The following RANBP2 variants were observed in gnomAD, a reference collection of about 807,000 sequenced individuals.
RANBP2 encodes E3 SUMO-protein ligase RanBP2.
RANBP2 carries 57 observed loss-of-function variants against 303.6 expected under a neutral mutation model. The ratio of observed to expected loss-of-function variants is 0.19; its 90% CI spans 0.15 to 0.23. RANBP2 has a LOEUF of 0.23. Ranked by LOEUF, RANBP2 falls within the 10% of genes least tolerant of loss-of-function variation. RANBP2 has a pLI of 1.00. For synonymous variants in RANBP2, 1,167 were observed against 1,301.5 expected, an observed-to-expected ratio of 0.90 and a Z score of 2.23; for missense variants, 3,138 against 3,780.8, an observed-to-expected ratio of 0.83 and a Z score of 4.46.
chr2:108,804,876 T>C, the RANBP2 span: 635 of 1,497,330 alleles, frequency 4.2e-4, 10 homozygotes, highest in South Asian at 8.2e-3. Flanking sequence ...GAGTTTTTTT[T>C]TTCTCCTCCT....
At chr2:108,813,484 T>C in the RANBP2 span, among the ~76,000 whole-genome samples, 3,538 of 152,284 alleles carry the variant, frequency 0.023, 141 homozygotes, top group African/African-American at 0.081. Flanking sequence ...GTACGTATCA[T>C]TGACACATCA....
the RANBP2 span, among the ~76,000 whole-genome samples, chr2:109,417,261 C>T: frequency 7.6e-3 from 1,164 of 152,252 alleles, 113 homozygotes; most frequent in East Asian, 0.2. Context: ...TCTCTGCCCT[C>T]GTACTTGCCC....
the RANBP2 span, among the ~76,000 whole-genome samples, chr2:109,594,245 A>T: frequency 6.7e-6 from 1 of 148,688 alleles, no homozygotes; most frequent in Non-Finnish European, 1.5e-5. Flanking sequence ...CACATTATTT[A>T]AAAAACAATA....
the RANBP2 span, among the ~76,000 whole-genome samples, chr2:109,548,189 A>C: frequency 4.6e-5 from 7 of 152,202 alleles, no homozygotes; most frequent in Admixed American, 2.6e-4. Context: ...AAAAAAAAAA[A>C]AACTAGGGTC....
At chr2:109,369,275 G>C in the RANBP2 span, among the ~76,000 whole-genome samples, 1 of 152,164 alleles carries the variant, frequency 6.6e-6, no homozygotes, top group African/African-American at 2.4e-5. Flanking sequence ...CTTGAACCCA[G>C]GAGGTGGAGG....
the RANBP2 span, among the ~76,000 whole-genome samples, chr2:109,097,322 AAAC>A: frequency 6.1e-5 from 1 of 16,402 alleles, no homozygotes; most frequent in Admixed American, 6.0e-4. Flanking sequence ...ACAAAAAACA[AAAC>A]AAAACAAAAC....
At chr2:109,510,546 G>A in the RANBP2 span, among the ~76,000 whole-genome samples, 60 of 152,330 alleles carry the variant, frequency 3.9e-4, no homozygotes, top group African/African-American at 1.4e-3. Flanking sequence ...CTACCAGACT[G>A]AAGGAACCCC....
chr2:109,605,448 C>A, the RANBP2 span: 3 of 151,650 alleles, frequency 2.0e-5, no homozygotes, highest in South Asian at 2.1e-4. Context: ...CTACTCTGAG[C>A]GACAAGAGTG....
chr2:108,732,599 T>C (rs1480116350), intron 4 of RANBP2, among the ~76,000 whole-genome samples: 1 of 152,222 alleles, frequency 6.6e-6, no homozygotes, highest in African/African-American at 2.4e-5. Context: ...ATGTATAGTT[T>C]TCTTTCATTT....
At chr2:109,565,725 A>G in the RANBP2 span, 1 of 1,512,404 alleles carries the variant, frequency 6.6e-7, no homozygotes, top group Non-Finnish European at 9.2e-7. Flanking sequence ...AGATTACTAG[A>G]TAGATACATA....
chr2:109,053,726 C>A, the RANBP2 span, among the ~76,000 whole-genome samples: 6 of 152,236 alleles, frequency 3.9e-5, no homozygotes, highest in East Asian at 1.9e-4. Flanking sequence ...GCTCAGCGAA[C>A]CTGCTTCCTA....
intron 17 of RANBP2, among the ~76,000 whole-genome samples, chr2:108,756,337 A>T (rs1330004343): frequency 1.3e-5 from 2 of 152,228 alleles, no homozygotes; most frequent in African/African-American, 2.4e-5. Context: ...ATAGTTATGT[A>T]TATATATCTT....
intron 1 of RANBP2, among the ~76,000 whole-genome samples, chr2:108,725,845 C>T (rs1694659510): frequency 1.3e-5 from 2 of 151,604 alleles, no homozygotes; most frequent in Admixed American, 1.3e-4. Context: ...CGGAGGCTTG[C>T]TCTGTCGCCA....
rs1304706631 is a variant in RANBP2 at position 108,743,758 on chromosome 2, C to T, written c.976-2953C>T. On this transcript the variant is annotated intron_variant, in intron 7 of 28. Coordinates refer to ENST00000283195, the MANE Select transcript of RANBP2 (RefSeq NM_006267.5). ...AATATTGTGCCTCAATGTGGGTGTG[C>T]TTTACCTATTGCCAGATGCCTTGCT... Among the ~76,000 whole-genome samples the T allele has an allele frequency of 3.3e-5, 5 of 152,284 alleles. No individual in the cohort carries two copies. In the South Asian group the frequency reaches 6.2e-4, roughly 19 times the overall value.
the RANBP2 span, among the ~76,000 whole-genome samples, chr2:109,536,058 G>A: frequency 1.5e-5 from 2 of 130,452 alleles, no homozygotes; most frequent in Non-Finnish European, 3.3e-5. Flanking sequence ...GGGGTGGGGG[G>A]GGGGTCTCTC....
the RANBP2 span, among the ~76,000 whole-genome samples, chr2:109,627,355 C>T: frequency 6.6e-6 from 1 of 152,084 alleles, no homozygotes; most frequent in Non-Finnish European, 1.5e-5. Context: ...TGCCACTGCA[C>T]CTGGCTGATT....
chr2:109,259,588 T>C, the RANBP2 span, among the ~76,000 whole-genome samples: 7 of 152,208 alleles, frequency 4.6e-5, no homozygotes, highest in African/African-American at 9.6e-5. Flanking sequence ...TGCCCTGGAG[T>C]TACCATGTTT....
chr2:109,580,057 G>A, the RANBP2 span, among the ~76,000 whole-genome samples: 1 of 151,930 alleles, frequency 6.6e-6, no homozygotes, highest in Non-Finnish European at 1.5e-5. Context: ...AGAGATGGAG[G>A]TTGCAATGAG....
chr2:109,799,324 T>A, the RANBP2 span, among the ~76,000 whole-genome samples: 1 of 90,016 alleles, frequency 1.1e-5, no homozygotes, highest in African/African-American at 5.6e-5. Context: ...TTGTTAAGAT[T>A]GCTATAGTTC....
Sources: allele counts gnomAD v4.1 joint callset (sites outside exome capture counted in the v4.1 genomes callset), GRCh38; gene constraint gnomAD v4.1.1; transcripts MANE v1.5; gene names NCBI Gene and HGNC (gene_info 2026-07-23, HGNC 2026-07-21).